CACNB3: variants seen among roughly 807,000 people sequenced by gnomAD.
The protein encoded by CACNB3 is voltage-dependent L-type calcium channel subunit beta-3.
Under a neutral mutation model 63.7 loss-of-function variants are expected in CACNB3, and 36 were observed. That is an observed-to-expected ratio of 0.57 (90% CI 0.43 to 0.75). The LOEUF is 0.75. Ranked by LOEUF, CACNB3 falls within the 30% of genes least tolerant of loss-of-function variation. The pLI is 0.00. For missense variants in CACNB3, 493 were observed against 648.6 expected (o/e 0.76, Z 2.61); for synonymous variants, 241 against 250.6 (o/e 0.96, Z 0.36).
At position 48,826,880 on chromosome 12, in the gene CACNB3, G is replaced by A. The variant is rs777454740; in HGVS notation, c.990+26G>A. ...GTGAGTGCCTGGGTCAGCTGCTCCT[G>A]TGCCCACTCCCCCAGGGCTGCGGCA... is the stretch of plus-strand genomic sequence containing the variant. On this transcript the variant is annotated intron_variant, in intron 11 of 12. Transcript: ENST00000301050. The surrounding 1 kb of genome is among the most constrained non-coding windows in gnomAD (Gnocchi z 4.8). 1.9e-6 allele frequency: 3 copies of A among 1,612,530 alleles called. No individual in the cohort carries two copies. The highest frequency in any genetic ancestry group is 2.5e-6 in the Non-Finnish European group (3 of 1,178,616).
At position 48,826,960 on chromosome 12, in the gene CACNB3, C is replaced by T. The variant is rs777211406; in HGVS notation, c.991-14C>T. The T allele has an allele frequency of 2.5e-6, 4 of 1,613,836 alleles. No individual in the cohort carries two copies. The South Asian group carries it at 4.4e-5, about 18-fold the overall frequency. ...GAGGGGAAACCAACGTTGCGCCTTC[C>T]TCCCCCTCCCCAGGAGTCATTTGAT... On this transcript the variant is annotated splice_polypyrimidine_tract_variant and intron_variant, in intron 11 of 12. Transcript: ENST00000301050. The surrounding 1 kb of genome is among the most constrained non-coding windows in gnomAD (Gnocchi z 4.8).
At chr12:48,821,149 A>C (rs1236945532) in intron 1 of CACNB3, 1 of 151,636 alleles carries the variant, frequency 6.6e-6, no homozygotes, top group Non-Finnish European at 1.5e-5. Flanking sequence ...GCACCATTAC[A>C]TTCCAGCCTG....
intron 3 of CACNB3, 116 bp from the exon 4 acceptor site, chr12:48,824,142 G>A: frequency 2.3e-6 from 2 of 877,828 alleles, no homozygotes; most frequent in South Asian, 3.5e-5. Flanking sequence ...ACCGCCCCTT[G>A]CATTGCATTC....
chr12:48,818,903 G>A lies in CACNB3; in HGVS notation c.-27G>A. On this transcript the variant is annotated 5_prime_UTR_variant, in exon 1 of 13. Coordinates refer to ENST00000301050, the MANE Select transcript of CACNB3 (RefSeq NM_000725.4). The surrounding 1 kb of genome is among the most constrained non-coding windows in gnomAD (Gnocchi z 4.3). ...CCGGGCCGCTCCCGCCCCCGGCGCC[G>A]CTCGCTCCCCCGACCCGGACTCCCC... 3.9e-6 allele frequency: 6 copies of A among 1,553,928 alleles called. No homozygotes were observed. The highest frequency in any genetic ancestry group is 1.4e-5 in the African/African-American group (1 of 72,314).
In CACNB3 at chr12:48,828,808, G is replaced by T. The variant is rs1002443219; in HGVS notation, c.*909G>T. Reference sequence around the variant, plus strand: ...CCGCTTGTTAGGTTAGGGTTAGATGGGGAGAGACAGGGCACAGAGGACCTG... The same window carrying T: ...CCGCTTGTTAGGTTAGGGTTAGATGTGGAGAGACAGGGCACAGAGGACCTG... On this transcript the variant is annotated 3_prime_UTR_variant, in exon 13 of 13. Transcript: ENST00000301050. 1 of 455,860 alleles carries T rather than the reference G, an allele frequency of 2.2e-6. No homozygotes were observed. Among genetic ancestry groups the T allele is most frequent in the African/African-American group, 2.0e-5 (1 of 50,022 alleles). The allele number at this position is 455,860 out of a possible 1,614,324, so 28.2% of individuals were successfully genotyped here.
In CACNB3 at chr12:48,823,377, C is replaced by G; in HGVS notation, c.79C>G (p.Leu27Val). Residue 27 changes from leucine (L) to valine (V), a missense_variant, in exon 2 of 13, where the codon CTG becomes GTG. Leu to Val is a conservative substitution (Grantham distance 32). Coordinates refer to ENST00000301050, the MANE Select transcript of CACNB3 (RefSeq NM_000725.4). The surrounding 1 kb of genome is among the most constrained non-coding windows in gnomAD (Gnocchi z 4.2). ...CGACTCCTACACCAGCCGCCCATCT[C>G]TGGACTCAGACGTCTCCCTGGAGGA... Reference protein sequence around the residue: ...SADSYTSRPSLDSDVSLEEDR... With the variant: ...SADSYTSRPSVDSDVSLEEDR... 6.2e-7 allele frequency: 1 copy of G among 1,614,190 alleles called. No homozygotes were observed. Among genetic ancestry groups the G allele is most frequent in the South Asian group, 1.1e-5 (1 of 91,078 alleles).
chr12:48,817,619 C>A (rs1425691457), upstream of CACNB3, among the ~76,000 whole-genome samples: 1 of 152,152 alleles, frequency 6.6e-6, no homozygotes. Flanking sequence ...ATAAGGGCTG[C>A]GGCTCTCTTA....
chr12:48,819,355 GA>G (rs1461759000), intron 1 of CACNB3, among the ~76,000 whole-genome samples: 1 of 152,176 alleles, frequency 6.6e-6, no homozygotes, highest in African/African-American at 2.4e-5. Context: ...ACAGCTAGGA[GA>G]GCCGCCGAGG....
chr12:48,816,965 G>A, upstream of CACNB3: 1 of 985,566 alleles, frequency 1.0e-6, no homozygotes, highest in Non-Finnish European at 1.2e-6. Context: ...AAGGATGAAA[G>A]AGGGGGATAC....
chr12:48,819,548 T>A, intron 1 of CACNB3: 1 of 363,028 alleles, frequency 2.8e-6, no homozygotes, highest in Admixed American at 3.6e-5. Context: ...CTCCTCACCC[T>A]TTCTCTAGCC....
At chr12:48,819,026 C>G in intron 1 of CACNB3, 52 bp downstream of exon 1, 2 of 1,560,272 alleles carry the variant, frequency 1.3e-6, no homozygotes, top group Non-Finnish European at 1.7e-6. Flanking sequence ...GACACCTCCT[C>G]TCCCTTCAAC....
In CACNB3 at chr12:48,823,659, C is replaced by T. The variant is rs562938723; in HGVS notation, c.169-22C>T. 29 of 1,613,908 alleles carry T rather than the reference C, an allele frequency of 1.8e-5. No homozygotes were observed. Among genetic ancestry groups the T allele is most frequent in the Non-Finnish European group, 2.4e-5 (28 of 1,180,002 alleles). Reference sequence around the variant, plus strand: ...GGTGCTTCGAGCCTTCTCTCACTTGCACTAATGGGCAAATTCTCCAGCACA... The same window carrying T: ...GGTGCTTCGAGCCTTCTCTCACTTGTACTAATGGGCAAATTCTCCAGCACA... On this transcript the variant is annotated intron_variant, in intron 2 of 12. Coordinates refer to ENST00000301050, the MANE Select transcript of CACNB3 (RefSeq NM_000725.4). This position sits in a 1 kb window ranked among gnomAD's most constrained non-coding sequence, Gnocchi z 4.2.
In CACNB3 at chr12:48,826,905, A is replaced by C; in HGVS notation, c.990+51A>C. On this transcript the variant is annotated intron_variant, in intron 11 of 12. Coordinates refer to ENST00000301050, the MANE Select transcript of CACNB3 (RefSeq NM_000725.4). This position sits in a 1 kb window ranked among gnomAD's most constrained non-coding sequence, Gnocchi z 4.8. ...GTGCCCACTCCCCCAGGGCTGCGGC[A>C]GTGATAGAGATGGGTGGGGGGCTGC... The C allele has an allele frequency of 1.2e-6, 2 of 1,612,634 alleles. No individual in the cohort carries two copies. The highest frequency in any genetic ancestry group is 1.7e-6 in the Non-Finnish European group (2 of 1,178,840).
intron 1 of CACNB3, 68 bp downstream of exon 1, chr12:48,819,042 C>A: frequency 6.5e-7 from 1 of 1,528,558 alleles, no homozygotes. Context: ...TCAACCCTTT[C>A]CCCGGTTCAG....
chr12:48,816,850 T>C, upstream of CACNB3: 1 of 985,472 alleles, frequency 1.0e-6, no homozygotes, highest in Non-Finnish European at 1.2e-6. Context: ...AACAGCTGCC[T>C]CCACCACTGC....
At position 48,826,367 on chromosome 12, in the gene CACNB3, C is replaced by T. The variant is rs758647170; in HGVS notation, c.743C>T (p.Ala248Val). Residue 248 changes from alanine to valine, a missense_variant and splice_region_variant, in exon 10 of 13, where the codon GCG (alanine) becomes GTG (valine). Coordinates refer to ENST00000301050, the MANE Select transcript of CACNB3 (RefSeq NM_000725.4). The surrounding 1 kb of genome is among the most constrained non-coding windows in gnomAD (Gnocchi z 4.8). ...GCACTGCTGCTGCCTCCCTCCATAG[C>T]GGAAGTGCAGAGTGAGATCGAGCGC... is the stretch of plus-strand genomic sequence containing the variant. Reference protein sequence around the residue: ...IERSSARSSIAEVQSEIERIF... With the variant: ...IERSSARSSIVEVQSEIERIF... 4 of 1,614,102 alleles carry T rather than the reference C, an allele frequency of 2.5e-6. No individual in the cohort carries two copies. The highest frequency in any genetic ancestry group is 1.1e-5 in the South Asian group (1 of 91,078).
chr12:48,816,249 T>C (rs543725436), upstream of CACNB3, among the ~76,000 whole-genome samples: 3 of 152,342 alleles, frequency 2.0e-5, no homozygotes, highest in South Asian at 6.2e-4. Context: ...GGTTTCAATA[T>C]ATTCCAGCTC....
chr12:48,819,471 C>A (rs2137443049), intron 1 of CACNB3, among the ~76,000 whole-genome samples: 1 of 152,260 alleles, frequency 6.6e-6, no homozygotes, highest in Non-Finnish European at 1.5e-5. Context: ...TTCAGACAGA[C>A]GGATCCTAAA....
chr12:48,824,604 C>G lies in CACNB3; in HGVS notation c.408-65C>G. ...AATTGTGTACAATTATTAAATAATG[C>G]ATAGAACATACATACACAGAGACAC... On this transcript the variant is annotated intron_variant, in intron 4 of 12. Transcript: ENST00000301050. The G allele has an allele frequency of 2.1e-6, 3 of 1,406,336 alleles. No homozygotes were observed. The South Asian group carries it at 3.5e-5, about 16-fold the overall frequency. 87.1% of individuals were successfully genotyped at this position (1,406,336 alleles called of 1,614,324 possible).
Sources: allele counts gnomAD v4.1 joint callset (sites outside exome capture counted in the v4.1 genomes callset), GRCh38; gene constraint gnomAD v4.1.1; non-coding constraint Gnocchi (gnomAD v3.1); transcripts MANE v1.5; gene names NCBI Gene and HGNC (gene_info 2026-07-23, HGNC 2026-07-21).